Variants in PRR14L observed in about 807,000 individuals in gnomAD.
PRR14L encodes the protein proline rich 14 like.
Under a neutral mutation model 155.0 loss-of-function variants are expected in PRR14L, and 80 were observed. That is an observed-to-expected ratio of 0.52 (90% CI 0.43 to 0.62). The LOEUF is 0.62. Ranked by LOEUF, PRR14L falls within the 20% of genes least tolerant of loss-of-function variation. The probability of loss-of-function intolerance (pLI) is 0.00; values close to 1 mark genes in which losing one functional copy is unlikely to be tolerated. For missense variants in PRR14L, 2,469 were observed against 2,548.0 expected (o/e 0.97, Z 0.67); for synonymous variants, 883 against 916.0 (o/e 0.96, Z 0.65).
chr22:31,707,815 CGTAT>C (rs2074599850), intron 4 of PRR14L, among the ~76,000 whole-genome samples: 1 of 152,180 alleles, frequency 6.6e-6, no homozygotes, highest in African/African-American at 2.4e-5. Flanking sequence ...ATCACTCTAA[CGTAT>C]TTTCATGGCT....
chr22:31,725,123 C>T (rs558136672), intron 3 of PRR14L, among the ~76,000 whole-genome samples: 12 of 152,218 alleles, frequency 7.9e-5, no homozygotes, highest in Admixed American at 2.6e-4. Flanking sequence ...TTGCTGGGTG[C>T]GGTGGCTCAT....
At chr22:31,700,990 AT>A (rs997276060) in intron 7 of PRR14L, among the ~76,000 whole-genome samples, 1,724 of 139,350 alleles carry the variant, frequency 0.012, 19 homozygotes, top group Non-Finnish European at 0.016. Context: ...AAGTTTGGCG[AT>A]TTTTTTTTTT....
chr22:31,709,911 G>C (rs1030107327), intron 4 of PRR14L, among the ~76,000 whole-genome samples: 13 of 151,990 alleles, frequency 8.6e-5, no homozygotes, highest in Non-Finnish European at 1.6e-4. Context: ...GGGACTACAG[G>C]CATGAGCCAC....
intron 8 of PRR14L, 68 bp downstream of exon 8, chr22:31,688,088 A>G: frequency 6.9e-7 from 1 of 1,456,826 alleles, no homozygotes; most frequent in Non-Finnish European, 9.3e-7. Context: ...TTCTAAAGTG[A>G]AAGGGCTGGA....
intron 2 of PRR14L, among the ~76,000 whole-genome samples, chr22:31,735,099 G>A (rs186847235): frequency 7.2e-5 from 11 of 152,210 alleles, no homozygotes; most frequent in Non-Finnish European, 1.3e-4. Flanking sequence ...ATTCAAAATG[G>A]AATATACACT....
At chr22:31,717,579 T>C (rs554970861) in intron 3 of PRR14L, among the ~76,000 whole-genome samples, 2 of 152,180 alleles carry the variant, frequency 1.3e-5, no homozygotes, top group Admixed American at 1.3e-4. Context: ...CATAGAAATA[T>C]GTTCCTATGT....
At chr22:31,738,271 G>T in intron 2 of PRR14L, 116 bp downstream of exon 2, 1 of 881,874 alleles carries the variant, frequency 1.1e-6, no homozygotes, top group South Asian at 1.8e-5. Context: ...CTTCAAAATC[G>T]ACATTTCGGA....
rs1327679823 is a variant in PRR14L at position 31,716,780 on chromosome 22, T to C, written c.1059A>G (p.Glu353=). The change falls in exon 4 of 9, where the codon GAA becomes GAG. Residue 353 remains glutamate, a synonymous_variant. Transcript: ENST00000327423. Reference sequence around the variant, plus strand: ...AGTTTTCTAAGGATATTGTTCTGGATTCTGGACCAGACAAGTCTGATGTGA... The same window carrying C: ...AGTTTTCTAAGGATATTGTTCTGGACTCTGGACCAGACAAGTCTGATGTGA... The part of the protein sequence containing the change: ...SCFTSDLSGP[E]SRTISLENCG... 1.3e-6 allele frequency: 2 copies of C among 1,551,742 alleles called. No homozygotes were observed. Among genetic ancestry groups the C allele is most frequent in the East Asian group, 2.4e-5 (1 of 40,936 alleles).
chr22:31,714,246 T>C lies in PRR14L; in HGVS notation c.3593A>G (p.Glu1198Gly). Residue 1198 changes from glutamate to glycine, a missense_variant, in exon 4 of 9, where the codon GAA (glutamate) becomes GGA (glycine). Transcript: ENST00000327423. ...TSLRETQEMT[E>G]GSRLEPNSEF... is the part of the protein sequence containing the mutation. Reference sequence around the variant, plus strand: ...AGAGTTTGGTTCTAGTCTTGATCCTTCAGTCATTTCTTGTGTTTCTCTGAG... The same window carrying C: ...AGAGTTTGGTTCTAGTCTTGATCCTCCAGTCATTTCTTGTGTTTCTCTGAG... 6.4e-7 allele frequency: 1 copy of C among 1,551,444 alleles called. No individual in the cohort carries two copies. The highest frequency in any genetic ancestry group is 8.7e-7 in the Non-Finnish European group (1 of 1,146,934).
chr22:31,703,520 C>G, intron 6 of PRR14L, 30 bp downstream of exon 6: 1 of 1,597,966 alleles, frequency 6.3e-7, no homozygotes, highest in African/African-American at 1.3e-5. Flanking sequence ...ATGCCACCAT[C>G]ATCTGACCCA....
At chr22:31,732,929 A>T (rs75282145) in intron 2 of PRR14L, among the ~76,000 whole-genome samples, 2,271 of 152,202 alleles carry the variant, frequency 0.015, 57 homozygotes, top group African/African-American at 0.053. Flanking sequence ...TTTGCAATTA[A>T]AAACTGCTGA....
intron 3 of PRR14L, among the ~76,000 whole-genome samples, chr22:31,720,125 A>C (rs1403862530): frequency 6.6e-6 from 1 of 152,182 alleles, no homozygotes; most frequent in Admixed American, 6.5e-5. Context: ...TGAGGATTAA[A>C]TTAAATAATG....
At chr22:31,690,703 G>A (rs1161256618) in intron 7 of PRR14L, among the ~76,000 whole-genome samples, 2 of 151,088 alleles carry the variant, frequency 1.3e-5, no homozygotes, top group African/African-American at 4.9e-5. Flanking sequence ...GTGCAGTGGC[G>A]TGATCTTGGC....
chr22:31,721,219 C>G (rs1266397727), intron 3 of PRR14L, among the ~76,000 whole-genome samples: 2 of 152,236 alleles, frequency 1.3e-5, no homozygotes, highest in African/African-American at 4.8e-5. Flanking sequence ...CCCACCACTG[C>G]TCCCCCAGGT....
At chr22:31,694,547 A>AC (rs1301299220) in intron 7 of PRR14L, among the ~76,000 whole-genome samples, 2 of 152,060 alleles carry the variant, frequency 1.3e-5, no homozygotes, top group Admixed American at 1.3e-4. Flanking sequence ...GGAGATCGAG[A>AC]CCATCCTGGC....
chr22:31,688,925 C>CACACACACACACACAAAA (rs1165552534), intron 7 of PRR14L, among the ~76,000 whole-genome samples: 1 of 151,238 alleles, frequency 6.6e-6, no homozygotes, highest in African/African-American at 2.4e-5. Context: ...CACACACACA[C>CACACACACACACACAAAA]AAAAACCCTT....
chr22:31,710,250 T>C (rs1441845093), intron 4 of PRR14L, among the ~76,000 whole-genome samples: 1 of 152,102 alleles, frequency 6.6e-6, no homozygotes, highest in African/African-American at 2.4e-5. Flanking sequence ...CCTGAACCAG[T>C]CCACTTTACT....
intron 1 of PRR14L, among the ~76,000 whole-genome samples, chr22:31,746,796 T>TA (rs2147880144): frequency 9.8e-6 from 1 of 101,630 alleles, no homozygotes; most frequent in East Asian, 2.3e-4. Context: ...CCCAGCAGTC[T>TA]TTTTTTTTTT....
At chr22:31,745,862 AT>A (rs1257337458) in intron 1 of PRR14L, among the ~76,000 whole-genome samples, 48 of 129,526 alleles carry the variant, frequency 3.7e-4, no homozygotes, top group South Asian at 1.8e-3. Context: ...AAAAAAAAAA[AT>A]ATATATATAT....
Sources: gnomAD v4.1 joint callset for allele counts (sites outside exome capture counted in the v4.1 genomes callset) on GRCh38, gnomAD v4.1.1 for gene constraint, MANE v1.5 for transcripts, NCBI Gene and HGNC (gene_info 2026-07-23, HGNC 2026-07-21) for gene names.